GREM2: variants seen among roughly 807,000 people sequenced by gnomAD.
GREM2 encodes gremlin 2, DAN family BMP antagonist, also known as gremlin-2.
In GREM2, 11 loss-of-function variants were observed where a neutral mutation model predicts 14.2. The observed-to-expected ratio is 0.78, with a 90% CI of 0.49 to 1.28. The LOEUF (loss-of-function observed/expected upper bound fraction) is 1.28, where lower values mean the gene tolerates loss of function less well. GREM2 is among the 50% of genes most tolerant of loss of function. GREM2 has a pLI of 0.00. For synonymous variants in GREM2, 98 were observed against 97.6 expected (o/e 1.00, Z -0.02); for missense variants, 210 against 218.5 (o/e 0.96, Z 0.24).
At chr1:240,544,387 T>A (rs1054593275) in intron 1 of GREM2, among the ~76,000 whole-genome samples, 1 of 152,176 alleles carries the variant, frequency 6.6e-6, no homozygotes, top group African/African-American at 2.4e-5. Flanking sequence ...GACCTCATGA[T>A]CTGCCCGCCT....
chr1:240,518,773 G>C (rs16840293), intron 1 of GREM2, among the ~76,000 whole-genome samples: 3,188 of 152,258 alleles, frequency 0.021, 106 homozygotes, highest in African/African-American at 0.074. Context: ...GGTCAAAAGA[G>C]GCTTTGGATG....
At chr1:240,610,512 A>C (rs141408864) in intron 1 of GREM2, among the ~76,000 whole-genome samples, 155 of 152,286 alleles carry the variant, frequency 1.0e-3, no homozygotes, top group African/African-American at 3.5e-3. Context: ...GAAACAAAAA[A>C]CAAACAAACA....
rs904062890 is a variant in GREM2 at position 240,543,872 on chromosome 1, A to G, written c.-1-50396T>C. The stretch of plus-strand genomic sequence containing the variant: ...GTGAGACTATTATAATTTTAAAAGT[A>G]TATTATTTGTTTTTCAATGGGAACA... On this transcript the variant is annotated intron_variant, in intron 1 of 1. Coordinates refer to ENST00000318160, the MANE Select transcript of GREM2 (RefSeq NM_022469.4). This position sits in a 1 kb window ranked among gnomAD's most constrained non-coding sequence, Gnocchi z 6.4. Among the ~76,000 whole-genome samples, 4 of 152,162 alleles carry G rather than the reference A, an allele frequency of 2.6e-5. No individual in the cohort carries two copies. The highest frequency in any genetic ancestry group is 6.6e-5 in the Admixed American group (1 of 15,258).
intron 1 of GREM2, among the ~76,000 whole-genome samples, chr1:240,554,477 T>C (rs995811817): frequency 6.6e-6 from 1 of 151,744 alleles, no homozygotes; most frequent in African/African-American, 2.4e-5. Context: ...AATATGTATA[T>C]ACATATTTTT....
intron 1 of GREM2, among the ~76,000 whole-genome samples, chr1:240,503,383 T>C (rs1160413863): frequency 6.6e-6 from 1 of 152,208 alleles, no homozygotes; most frequent in African/African-American, 2.4e-5. Flanking sequence ...GTCTCTTCGC[T>C]GGCCTCCCTT....
chr1:240,547,708 T>C (rs769750619), intron 1 of GREM2, among the ~76,000 whole-genome samples: 11 of 151,972 alleles, frequency 7.2e-5, no homozygotes, highest in Non-Finnish European at 1.0e-4. Flanking sequence ...ACAGCACTGA[T>C]GTGCATGAAG....
At chr1:240,558,378 C>A (rs1157586532) in intron 1 of GREM2, among the ~76,000 whole-genome samples, 1 of 150,576 alleles carries the variant, frequency 6.6e-6, no homozygotes. Flanking sequence ...CAAAACTATG[C>A]GAAAACAATT....
rs552489743 is a variant in GREM2 at position 240,542,962 on chromosome 1, A to G, written c.-1-49486T>C. Among the ~76,000 whole-genome samples, 19 of 152,286 alleles carry G rather than the reference A, an allele frequency of 1.2e-4. No individual in the cohort carries two copies. The Middle Eastern group carries it at 0.01, about 82-fold the overall frequency. On this transcript the variant is annotated intron_variant, in intron 1 of 1. Coordinates refer to ENST00000318160, the MANE Select transcript of GREM2 (RefSeq NM_022469.4). This position sits in a 1 kb window ranked among gnomAD's most constrained non-coding sequence, Gnocchi z 4.1. ...GAAGTTCTGTAAGATCCCACCAAAA[A>G]ATATCACCTTCTTTGTGAAGCCTCT... is the stretch of plus-strand genomic sequence containing the variant.
chr1:240,531,857 C>T (rs1443456726), intron 1 of GREM2, among the ~76,000 whole-genome samples: 3 of 150,372 alleles, frequency 2.0e-5, no homozygotes, highest in African/African-American at 7.3e-5. Context: ...TACAGGCGCC[C>T]GCCACCGTGC....
chr1:240,516,040 T>TC (rs920250227), intron 1 of GREM2, among the ~76,000 whole-genome samples: 1 of 151,608 alleles, frequency 6.6e-6, no homozygotes, highest in Non-Finnish European at 1.5e-5. Context: ...TCCCATACAG[T>TC]CCCCCGCCCC....
chr1:240,533,179 C>G (rs935017810), intron 1 of GREM2, among the ~76,000 whole-genome samples: 1 of 152,058 alleles, frequency 6.6e-6, no homozygotes, highest in African/African-American at 2.4e-5. Context: ...GGAGTAGAGA[C>G]TGGGAAAATG....
chr1:240,558,028 T>A (rs750411081), intron 1 of GREM2, among the ~76,000 whole-genome samples: 2 of 152,134 alleles, frequency 1.3e-5, no homozygotes, highest in Non-Finnish European at 2.9e-5. Context: ...CATACATATA[T>A]AATAATGTAT....
chr1:240,587,332 G>A (rs982917953), intron 1 of GREM2, among the ~76,000 whole-genome samples: 3 of 149,936 alleles, frequency 2.0e-5, no homozygotes, highest in Non-Finnish European at 4.4e-5. Context: ...CTTTTTTTTG[G>A]GGGGGTGGGG....
At chr1:240,608,926 C>T (rs535728401) in intron 1 of GREM2, among the ~76,000 whole-genome samples, 1 of 152,232 alleles carries the variant, frequency 6.6e-6, no homozygotes, top group South Asian at 2.1e-4. Flanking sequence ...GCATGCTGCC[C>T]TCTCCTGGCC....
intron 1 of GREM2, among the ~76,000 whole-genome samples, chr1:240,533,899 G>A (rs1453323746): frequency 2.0e-5 from 3 of 152,162 alleles, no homozygotes; most frequent in Non-Finnish European, 1.5e-5. Context: ...TGTCATTTTT[G>A]AGTTGCCTGT....
chr1:240,604,237 G>A (rs991833792), intron 1 of GREM2, among the ~76,000 whole-genome samples: 2 of 151,724 alleles, frequency 1.3e-5, no homozygotes, highest in Non-Finnish European at 2.9e-5. Flanking sequence ...TCCAGTATTG[G>A]GGGTCACATT....
In GREM2 at chr1:240,611,977, G is replaced by C. The variant is rs955056496; in HGVS notation, c.-95C>G. On this transcript the variant is annotated 5_prime_UTR_variant, in exon 1 of 2. Coordinates refer to ENST00000318160, the MANE Select transcript of GREM2 (RefSeq NM_022469.4). ...TTCTCTGAGTTCTCTAGTCCACAGC[G>C]GGGTCTAAGTTTGGTCTCCCGCCGC... The C allele has an allele frequency of 6.5e-6, 1 of 152,682 alleles. No individual in the cohort carries two copies. The highest frequency in any genetic ancestry group is 2.4e-5 in the African/African-American group (1 of 41,394). 9.5% of individuals were successfully genotyped at this position (152,682 alleles called of 1,614,324 possible). A position where few individuals can be genotyped will look rare whatever the true frequency, so the allele number is the denominator to read the frequency against.
intron 1 of GREM2, among the ~76,000 whole-genome samples, chr1:240,520,164 C>T (rs966946402): frequency 1.3e-5 from 2 of 152,020 alleles, no homozygotes; most frequent in Non-Finnish European, 1.5e-5. Flanking sequence ...TTATAAAGGC[C>T]AGCTCAAACT....
At chr1:240,517,069 T>TA (rs1328751105) in intron 1 of GREM2, among the ~76,000 whole-genome samples, 2 of 152,180 alleles carry the variant, frequency 1.3e-5, no homozygotes, top group Admixed American at 1.3e-4. Flanking sequence ...TAGTGAGGAT[T>TA]AAATAAGGTA....
Sources: allele counts gnomAD v4.1 joint callset (sites outside exome capture counted in the v4.1 genomes callset), GRCh38; gene constraint gnomAD v4.1.1; non-coding constraint Gnocchi (gnomAD v3.1); transcripts MANE v1.5; gene names NCBI Gene and HGNC (gene_info 2026-07-23, HGNC 2026-07-21).